DPP10: variants seen among roughly 807,000 people sequenced by gnomAD.
The protein encoded by DPP10 is inactive dipeptidyl peptidase 10.
A neutral mutation model predicts 120.9 loss-of-function variants in DPP10; 33 were observed. The observed-to-expected ratio is 0.27, with a 90% CI of 0.21 to 0.37. The LOEUF is 0.37. DPP10 is among the 10% of genes least tolerant of loss of function. The pLI, the probability that DPP10 is intolerant of heterozygous loss-of-function variation, is 1.00. For missense variants in DPP10, 816 were observed against 942.8 expected (o/e 0.87, Z 1.76); for synonymous variants, 337 against 326.1 (o/e 1.03, Z -0.36).
At chr2:115,516,949 A>G (rs983530489) in intron 4 of DPP10, among the ~76,000 whole-genome samples, 13 of 152,174 alleles carry the variant, frequency 8.5e-5, no homozygotes, top group Non-Finnish European at 2.9e-5. Context: ...ATTGGCAAAG[A>G]TTAACCCTGA....
At chr2:115,692,681 CTGAGT>C (rs1374791771) in intron 7 of DPP10, among the ~76,000 whole-genome samples, 4 of 151,876 alleles carry the variant, frequency 2.6e-5, no homozygotes, top group South Asian at 2.1e-4. Flanking sequence ...GCTGGTTGGG[CTGAGT>C]TAAGTTTTTA....
intron 1 of DPP10, among the ~76,000 whole-genome samples, chr2:114,857,786 G>A (rs1160917153): frequency 1.3e-5 from 2 of 152,076 alleles, no homozygotes; most frequent in Non-Finnish European, 2.9e-5. Flanking sequence ...GCCCATAAAG[G>A]AACTTGGAGG....
rs187878765 is a variant in DPP10, at chr2:114,709,932, G to C, written c.60+267094G>C. Among the ~76,000 whole-genome samples, 539 of 152,314 alleles carry C rather than the reference G, an allele frequency of 3.5e-3. 2 individuals are homozygous for C. Among genetic ancestry groups the C allele is most frequent in the Middle Eastern group, 6.8e-3 (2 of 294 alleles). Reference sequence around the variant, plus strand: ...AGATTAGGAAAGGATTTCATGCAGAGAAAGAAAGATATATAATGCAAACTA... The same window carrying C: ...AGATTAGGAAAGGATTTCATGCAGACAAAGAAAGATATATAATGCAAACTA... On this transcript the variant is annotated intron_variant, in intron 1 of 25. Coordinates refer to ENST00000410059, the MANE Select transcript of DPP10 (RefSeq NM_020868.6).
intron 1 of DPP10, among the ~76,000 whole-genome samples, chr2:114,448,361 G>A (rs1256115560): frequency 6.6e-6 from 1 of 152,030 alleles, no homozygotes; most frequent in Non-Finnish European, 1.5e-5. Context: ...TCATGTTTTG[G>A]TCAGTTAGTG....
chr2:114,880,448 G>A (rs1455955037), intron 1 of DPP10, among the ~76,000 whole-genome samples: 1 of 152,138 alleles, frequency 6.6e-6, no homozygotes, highest in Non-Finnish European at 1.5e-5. Context: ...AATTTTGTGA[G>A]CTTTACCTAG....
At chr2:115,629,085 G>C (rs1217830020) in intron 5 of DPP10, among the ~76,000 whole-genome samples, 1 of 152,042 alleles carries the variant, frequency 6.6e-6, no homozygotes, top group African/African-American at 2.4e-5. Context: ...CTGTACTTGC[G>C]ATAGTTTGCT....
intron 5 of DPP10, among the ~76,000 whole-genome samples, chr2:115,629,745 C>G (rs1436515405): frequency 6.6e-6 from 1 of 152,160 alleles, no homozygotes; most frequent in East Asian, 1.9e-4. Context: ...GGCCTCTGCT[C>G]TGTTCCATTG....
chr2:115,170,605 T>G (rs1324900768), intron 1 of DPP10, among the ~76,000 whole-genome samples: 1 of 152,204 alleles, frequency 6.6e-6, no homozygotes, highest in Non-Finnish European at 1.5e-5. Flanking sequence ...CTGTATGTAC[T>G]TTTTTAGAGT....
At chr2:115,495,149 C>A (rs1039065149) in intron 3 of DPP10, among the ~76,000 whole-genome samples, 1 of 151,532 alleles carries the variant, frequency 6.6e-6, no homozygotes, top group Non-Finnish European at 1.5e-5. Flanking sequence ...AGGATTAAGG[C>A]GAAATATGAA....
In DPP10 at chr2:114,921,756, A is replaced by G. The variant is rs545144637; in HGVS notation, c.61-387483A>G. On this transcript the variant is annotated intron_variant, in intron 1 of 25. Coordinates refer to ENST00000410059, the MANE Select transcript of DPP10 (RefSeq NM_020868.6). ...GACCGTAGGTCACATTACTGCAAAG[A>G]TAATATCTGTCTATTATGGCTGTAT... Among the ~76,000 whole-genome samples, 230 of 152,354 alleles carry G rather than the reference A, an allele frequency of 1.5e-3. 1 individual carries two copies. Among genetic ancestry groups the G allele is most frequent in the Middle Eastern group, 3.4e-3 (1 of 294 alleles).
intron 1 of DPP10, among the ~76,000 whole-genome samples, chr2:115,303,250 T>G (rs2105987972): frequency 6.6e-6 from 1 of 152,128 alleles, no homozygotes; most frequent in Admixed American, 6.6e-5. Context: ...ATAAAATATT[T>G]TAAATAGTGC....
chr2:114,640,956 T>C (rs1250041219), intron 1 of DPP10, among the ~76,000 whole-genome samples: 1 of 151,838 alleles, frequency 6.6e-6, no homozygotes, highest in Non-Finnish European at 1.5e-5. Context: ...GTTTAGCACT[T>C]TCTACACCTC....
At chr2:115,133,145 G>GTGTGTGTGTGTGTATATATA (rs1338395575) in intron 1 of DPP10, among the ~76,000 whole-genome samples, 2 of 28,772 alleles carry the variant, frequency 7.0e-5, no homozygotes, top group Admixed American at 5.2e-4. Flanking sequence ...GTGTGTGTGT[G>GTGTGTGTGTGTGTATATATA]TATATATATA....
chr2:114,835,699 A>G (rs1687677519), intron 1 of DPP10: 2 of 152,206 alleles, frequency 1.3e-5, no homozygotes, highest in Non-Finnish European at 2.9e-5. Flanking sequence ...GGATAATAGT[A>G]AACTCCAGAA....
chr2:115,216,652 C>T (rs1206248874), intron 1 of DPP10, among the ~76,000 whole-genome samples: 5 of 151,778 alleles, frequency 3.3e-5, no homozygotes, highest in Non-Finnish European at 5.9e-5. Flanking sequence ...GGTGTGCTGG[C>T]GGGCACCTAT....
chr2:114,781,558 A>G (rs1041910074), intron 1 of DPP10, among the ~76,000 whole-genome samples: 10 of 151,326 alleles, frequency 6.6e-5, no homozygotes, highest in Admixed American at 1.3e-4. Flanking sequence ...ACAGAAGTCC[A>G]TATTGTTTTT....
chr2:115,509,483 A>T (rs1320556867), intron 4 of DPP10, among the ~76,000 whole-genome samples: 1 of 151,978 alleles, frequency 6.6e-6, no homozygotes, highest in Non-Finnish European at 1.5e-5. Context: ...TATCTGTTAA[A>T]CGGCATTTAG....
At chr2:115,512,029 A>G (rs1426075753) in intron 4 of DPP10, among the ~76,000 whole-genome samples, 2 of 150,076 alleles carry the variant, frequency 1.3e-5, no homozygotes, top group Non-Finnish European at 3.0e-5. Context: ...ACCACACAAG[A>G]CTTCCTCCCT....
At chr2:114,531,890 G>C (rs1416379502) in intron 1 of DPP10, among the ~76,000 whole-genome samples, 1 of 152,024 alleles carries the variant, frequency 6.6e-6, no homozygotes, top group Non-Finnish European at 1.5e-5. Flanking sequence ...GGGTGTCTGT[G>C]AGGATGTTTC....
Sources: gnomAD v4.1 joint callset for allele counts (sites outside exome capture counted in the v4.1 genomes callset) on GRCh38, gnomAD v4.1.1 for gene constraint, MANE v1.5 for transcripts, NCBI Gene and HGNC (gene_info 2026-07-23, HGNC 2026-07-21) for gene names.